Variants in TMC5 observed in about 807,000 individuals in gnomAD.
TMC5 encodes transmembrane channel like 5.
In TMC5, 86 loss-of-function variants were observed where a neutral mutation model predicts 110.5. That is an observed-to-expected ratio of 0.78 (90% confidence interval 0.65 to 0.93). The LOEUF is 0.93. Ranked by LOEUF, TMC5 falls within the 40% of genes least tolerant of loss-of-function variation. The probability of loss-of-function intolerance (pLI) is 0.00; values close to 1 mark genes in which losing one functional copy is unlikely to be tolerated. For synonymous variants in TMC5, 455 were observed against 439.5 expected, an observed-to-expected ratio of 1.04 and a Z score of -0.44; for missense variants, 1,144 against 1,222.8, an observed-to-expected ratio of 0.94 and a Z score of 0.96.
chr16:19,457,709 C>CTTTGTTTTT (rs1967916416), intron 5 of TMC5, among the ~76,000 whole-genome samples: 1 of 43,906 alleles, frequency 2.3e-5, no homozygotes, highest in Non-Finnish European at 5.3e-5. Flanking sequence ...AGACTACATT[C>CTTTGTTTTT]TTTTTTTTTT....
intron 17 of TMC5, among the ~76,000 whole-genome samples, chr16:19,487,527 C>A (rs1196462756): frequency 1.3e-5 from 2 of 151,982 alleles, no homozygotes; most frequent in African/African-American, 4.8e-5. Flanking sequence ...CATGGTGAAA[C>A]CCTGTCTCTA....
chr16:19,470,017 C>T (rs551598555), intron 10 of TMC5, among the ~76,000 whole-genome samples, 192 bp downstream of exon 10: 2 of 151,664 alleles, frequency 1.3e-5, no homozygotes, highest in Admixed American at 6.6e-5. Context: ...GCCTCAGCCT[C>T]CCGAGTAGCT....
chr16:19,461,447 G>A (rs775926079), intron 6 of TMC5, among the ~76,000 whole-genome samples: 12 of 152,004 alleles, frequency 7.9e-5, no homozygotes, highest in African/African-American at 1.9e-4. Flanking sequence ...GGTGGCATGC[G>A]CCTGTAATCC....
chr16:19,475,530 C>T (rs35145515), intron 12 of TMC5, among the ~76,000 whole-genome samples: 11,119 of 152,114 alleles, frequency 0.073, 678 homozygotes, highest in East Asian at 0.34. Flanking sequence ...TCCCGGCCAG[C>T]GCTCCAGCCT....
At chr16:19,453,297 T>C (rs1037498271) in intron 5 of TMC5, among the ~76,000 whole-genome samples, 1 of 151,026 alleles carries the variant, frequency 6.6e-6, no homozygotes, top group Non-Finnish European at 1.5e-5. Context: ...CTATGAAAAA[T>C]AGAAAATTTG....
intron 15 of TMC5, among the ~76,000 whole-genome samples, chr16:19,485,844 C>T (rs1025877145): frequency 1.3e-5 from 2 of 152,128 alleles, no homozygotes; most frequent in Admixed American, 6.5e-5. Flanking sequence ...TCACGAGCAC[C>T]GCGGGAGAGT....
chr16:19,444,598 G>A (rs890691599), intron 4 of TMC5, among the ~76,000 whole-genome samples: 1 of 152,146 alleles, frequency 6.6e-6, no homozygotes, highest in African/African-American at 2.4e-5. Context: ...GGGGTTTTAT[G>A]TGAAACCTGA....
Position 19,428,638 on chromosome 16 carries a change from C to G in TMC5, c.-307-1775C>G, listed in dbSNP as rs556195928. Among the ~76,000 whole-genome samples, 9 of 152,114 alleles carry G rather than the reference C, an allele frequency of 5.9e-5. 1 individual carries two copies. Among genetic ancestry groups the G allele is most frequent in the African/African-American group, 2.2e-4 (9 of 41,512 alleles). ...GCGATTAAAATTCATTTTTCTTTTT[C>G]TAGCTTCTGACTCTTTCTCACTCAT... On this transcript the variant is annotated intron_variant, in intron 1 of 21. Coordinates refer to ENST00000542583, the MANE Select transcript of TMC5 (RefSeq NM_001261841.2).
At chr16:19,460,155 C>T in intron 5 of TMC5, 80 bp from the exon 6 acceptor site, 1 of 1,082,976 alleles carries the variant, frequency 9.2e-7, no homozygotes. Context: ...GTGTTACGTG[C>T]TCTGACTTCA....
At chr16:19,468,903 G>C (rs1288761907) in intron 9 of TMC5, among the ~76,000 whole-genome samples, 1 of 152,166 alleles carries the variant, frequency 6.6e-6, no homozygotes, top group East Asian at 1.9e-4. Context: ...GTGGCGTGAG[G>C]ATGGCTTGAG....
At chr16:19,477,119 G>T (rs1290251745) in intron 12 of TMC5, 2 of 227,674 alleles carry the variant, frequency 8.8e-6, no homozygotes, top group Non-Finnish European at 1.8e-5. Context: ...GTGGTGGCGG[G>T]CGCCTGTAGT....
In TMC5 at chr16:19,473,456, T is replaced by C. The variant is rs183786446; in HGVS notation, c.1939-669T>C. Reference sequence around the variant, plus strand: ...AGAGAGAGGTGAAGCCTGGTGAAAATGAACAAGGCCACTTATGCTAAACAG... The same window carrying C: ...AGAGAGAGGTGAAGCCTGGTGAAAACGAACAAGGCCACTTATGCTAAACAG... On this transcript the variant is annotated intron_variant, in intron 11 of 21. Transcript: ENST00000542583. Among the ~76,000 whole-genome samples, 3 of 134,642 alleles carry C rather than the reference T, an allele frequency of 2.2e-5. No homozygotes were observed. In the East Asian group the frequency reaches 6.8e-4, roughly 31 times the overall value. The allele number at this position is 134,642 out of a possible 152,430, so 88.3% of individuals were successfully genotyped here. A position where few individuals can be genotyped will look rare whatever the true frequency, so the allele number is the denominator to read the frequency against.
intron 12 of TMC5, chr16:19,474,653 A>C (rs1290783601): frequency 4.9e-6 from 1 of 203,552 alleles, no homozygotes; most frequent in African/African-American, 2.3e-5. Context: ...CCTGCGTGAC[A>C]GAGCAAGACC....
In TMC5 at chr16:19,466,192, C is replaced by T. The variant is rs779661305; in HGVS notation, c.1596C>T (p.Ile532=). 8.1e-6 allele frequency: 13 copies of T among 1,614,022 alleles called. No individual in the cohort carries two copies. In the East Asian group the frequency reaches 1.1e-4, roughly 14 times the overall value. The change falls in exon 9 of 22, where the codon ATC becomes ATT. Residue 532 remains isoleucine (I), a synonymous_variant. Transcript: ENST00000542583. ...TGCAGCTGGCCTACATCTTCACAAT[C>T]GGAGCATGCTTGACCACCTGCTTCT... is the stretch of plus-strand genomic sequence containing the variant. ...YNMQLAYIFT[I]GACLTTCFFS...
chr16:19,441,294 T>G lies in TMC5; in HGVS notation c.788+468T>G, dbSNP rs1375960729. On this transcript the variant is annotated intron_variant, in intron 3 of 21. Coordinates refer to ENST00000542583, the MANE Select transcript of TMC5 (RefSeq NM_001261841.2). Reference sequence around the variant, plus strand: ...GAGATGTTTGCACCACTTCTTTGTTTTTTTTTTTGGTCATTTTTTTTTCTT... The same window carrying G: ...GAGATGTTTGCACCACTTCTTTGTTGTTTTTTTTGGTCATTTTTTTTTCTT... Among the ~76,000 whole-genome samples the G allele has an allele frequency of 1.7e-4, 23 of 136,066 alleles. No homozygotes were observed. The East Asian group carries it at 4.1e-3, about 24-fold the overall frequency. The allele number at this position is 136,066 out of a possible 152,430, so 89.3% of individuals were successfully genotyped here. A position where few individuals can be genotyped will look rare whatever the true frequency, so the allele number is the denominator to read the frequency against.
intron 5 of TMC5, among the ~76,000 whole-genome samples, chr16:19,450,795 G>A (rs1487538767): frequency 6.6e-6 from 1 of 152,192 alleles, no homozygotes; most frequent in Non-Finnish European, 1.5e-5. Flanking sequence ...GCCTGTGTTG[G>A]TGGGGACAAG....
chr16:19,413,523 C>CAAAAAAAA (rs869158130), upstream of TMC5, among the ~76,000 whole-genome samples: 6 of 52,984 alleles, frequency 1.1e-4, 1 homozygote, highest in African/African-American at 2.9e-4. Context: ...AACCCTGCCT[C>CAAAAAAAA]AAAAAAAAAA....
intron 17 of TMC5, among the ~76,000 whole-genome samples, chr16:19,488,661 T>C (rs1968810712): frequency 6.6e-6 from 1 of 152,116 alleles, no homozygotes; most frequent in South Asian, 2.1e-4. Context: ...TCCAAGGCCC[T>C]CTCCAAGATC....
At chr16:19,430,150 TAGAGAGCTTCACCAGAAATG>T (rs796716492) in intron 1 of TMC5, among the ~76,000 whole-genome samples, 43 of 152,342 alleles carry the variant, frequency 2.8e-4, no homozygotes, top group African/African-American at 1.0e-3. Flanking sequence ...GAAGAGGTAT[TAGAGAGCTTCACCAGAAATG>T]TTTTATTTCC....
Sources: gnomAD v4.1 joint callset for allele counts (sites outside exome capture counted in the v4.1 genomes callset) on GRCh38, gnomAD v4.1.1 for gene constraint, MANE v1.5 for transcripts, NCBI Gene and HGNC (gene_info 2026-07-23, HGNC 2026-07-21) for gene names.